Variants in ERVK3-1 observed in about 807,000 individuals in gnomAD.
ERVK3-1 encodes endogenous retrovirus group K3 member 1, also known as HERV-K(HML6-1).
chr19:58,309,728 G>C (rs926015835), intron 2 of ERVK3-1: 6 of 152,184 alleles, frequency 3.9e-5, no homozygotes, highest in Non-Finnish European at 8.8e-5. Flanking sequence ...GTAATAGAAT[G>C]GCTTTTTTTA....
downstream of ERVK3-1, among the ~76,000 whole-genome samples, chr19:58,316,803 C>A (rs2051595137): frequency 6.6e-6 from 1 of 152,170 alleles, no homozygotes; most frequent in Non-Finnish European, 1.5e-5. Flanking sequence ...AAATCCAAAA[C>A]TTTGTTAAAT....
At chr19:58,315,989 GT>G (rs2051590216), downstream of ERVK3-1, among the ~76,000 whole-genome samples, 1 of 152,154 alleles carries the variant, frequency 6.6e-6, no homozygotes, top group African/African-American at 2.4e-5. Flanking sequence ...GAGACCTCGG[GT>G]GCCCCCTACC....
In ERVK3-1 at chr19:58,310,202, A is replaced by C. The variant is rs926580465; in HGVS notation, c.-3-1964A>C. 1 of 152,244 alleles carries C rather than the reference A, an allele frequency of 6.6e-6. No homozygotes were observed. Among genetic ancestry groups the C allele is most frequent in the African/African-American group, 2.4e-5 (1 of 41,444 alleles). 9.4% of individuals were successfully genotyped at this position (152,244 alleles called of 1,614,324 possible). On this transcript the variant is annotated intron_variant, in intron 2 of 3. Transcript: ENST00000413518. This position sits in a 1 kb window ranked among gnomAD's most constrained non-coding sequence, Gnocchi z 4.7. Reference sequence around the variant, plus strand: ...TTATTTCCTATTAATATTGTCTGTAATTCAGCCTATGTCGTAAATGTAGCT... The same window carrying C: ...TTATTTCCTATTAATATTGTCTGTACTTCAGCCTATGTCGTAAATGTAGCT...
rs1487152931 is a variant in ERVK3-1, at chr19:58,313,282, TTTG to T, written c.294+832_294+834del. On this transcript the variant is annotated intron_variant, in intron 3 of 3. Coordinates refer to ENST00000413518, the Ensembl canonical transcript of ERVK3-1. The surrounding 1 kb of genome is among the most constrained non-coding windows in gnomAD (Gnocchi z 4.5). ...CACTCAATTTACGGTTTGTGGGTTTTTTGTTGTTGTTGTTAACTGTTTGAGATG... is the reference window on the plus strand; with the variant it reads ...CACTCAATTTACGGTTTGTGGGTTTTTTGTTGTTGTTAACTGTTTGAGATG... Among the ~76,000 whole-genome samples, 3 of 152,166 alleles carry T rather than the reference TTTG, an allele frequency of 2.0e-5. No individual in the cohort carries two copies. The highest frequency in any genetic ancestry group is 4.8e-5 in the African/African-American group (2 of 41,430).
At chr19:58,305,874 A>T (rs1344173535) in intron 1 of ERVK3-1, among the ~76,000 whole-genome samples, 3 of 152,170 alleles carry the variant, frequency 2.0e-5, no homozygotes, top group Non-Finnish European at 2.9e-5. Context: ...GAACCTGCTG[A>T]ACAAAGAAAG....
chr19:58,313,144 A>G lies in ERVK3-1; in HGVS notation c.294+682A>G, dbSNP rs1412213480. On this transcript the variant is annotated intron_variant, in intron 3 of 3. Coordinates refer to ENST00000413518, the Ensembl canonical transcript of ERVK3-1. This position sits in a 1 kb window ranked among gnomAD's most constrained non-coding sequence, Gnocchi z 4.5. Reference sequence around the variant, plus strand: ...AAACAGAGGCCCAATTCAGGAATCGATATGGAAGGCAACACTCCCATTTAT... The same window carrying G: ...AAACAGAGGCCCAATTCAGGAATCGGTATGGAAGGCAACACTCCCATTTAT... 1 of 152,296 alleles carries G rather than the reference A, an allele frequency of 6.6e-6. No homozygotes were observed. Among genetic ancestry groups the G allele is most frequent in the Non-Finnish European group, 1.5e-5 (1 of 68,068 alleles). The allele number at this position is 152,296 out of a possible 1,614,324, so 9.4% of individuals were successfully genotyped here. A position where few individuals can be genotyped will look rare whatever the true frequency, so the allele number is the denominator to read the frequency against.
At chr19:58,311,352 A>C (rs2051555589) in intron 2 of ERVK3-1, 1 of 152,168 alleles carries the variant, frequency 6.6e-6, no homozygotes. Flanking sequence ...CCGATCTCAC[A>C]CACAACTTCC....
intron 2 of ERVK3-1, chr19:58,309,430 A>G (rs910625550): frequency 6.6e-6 from 1 of 152,242 alleles, no homozygotes; most frequent in African/African-American, 2.4e-5. Flanking sequence ...GTAAGAACAA[A>G]TTACAAACTC....
rs1462869216 is a variant in ERVK3-1 at position 58,310,189 on chromosome 19, A to C, written c.-3-1977A>C. On this transcript the variant is annotated intron_variant, in intron 2 of 3. Transcript: ENST00000413518. The surrounding 1 kb of genome is among the most constrained non-coding windows in gnomAD (Gnocchi z 4.7). Reference sequence around the variant, plus strand: ...AAAGCTCACAGCTTTATTTCCTATTAATATTGTCTGTAATTCAGCCTATGT... The same window carrying C: ...AAAGCTCACAGCTTTATTTCCTATTCATATTGTCTGTAATTCAGCCTATGT... 1.3e-5 allele frequency: 2 copies of C among 152,226 alleles called. No homozygotes were observed. The highest frequency in any genetic ancestry group is 2.9e-5 in the Non-Finnish European group (2 of 68,066). The allele number at this position is 152,226 out of a possible 1,614,324, so 9.4% of individuals were successfully genotyped here.
At chr19:58,315,032 A>G (rs1005842801) in exon 4 of ERVK3-1, 27 of 365,970 alleles carry the variant, frequency 7.4e-5, no homozygotes, top group African/African-American at 2.3e-4. Flanking sequence ...AGGAACATCC[A>G]GAACCTGTTG....
At chr19:58,309,488 GCTT>G (rs2051543504) in intron 2 of ERVK3-1, 2 of 152,180 alleles carry the variant, frequency 1.3e-5, no homozygotes, top group Non-Finnish European at 2.9e-5. Context: ...GCTAGGTATT[GCTT>G]CTTATCAACT....
chr19:58,310,829 C>T lies in ERVK3-1; in HGVS notation c.-3-1337C>T, dbSNP rs1281892157. The T allele has an allele frequency of 8.0e-6, 3 of 373,538 alleles. No homozygotes were observed. Among genetic ancestry groups the T allele is most frequent in the Admixed American group, 2.7e-5 (1 of 37,432 alleles). The allele number at this position is 373,538 out of a possible 1,614,324, so 23.1% of individuals were successfully genotyped here. ...TAACCTCCCCCAGGGAAAGGGAGAC[C>T]GCCCCCCACCCTTTCCCGGTCTGCT... On this transcript the variant is annotated intron_variant, in intron 2 of 3. Transcript: ENST00000413518. The surrounding 1 kb of genome is among the most constrained non-coding windows in gnomAD (Gnocchi z 4.7).
chr19:58,309,656 T>C (rs2051544487), intron 2 of ERVK3-1: 1 of 152,262 alleles, frequency 6.6e-6, no homozygotes, highest in Non-Finnish European at 1.5e-5. Context: ...GTTTTGTTTA[T>C]TCTTCCTACC....
rs111678222 is a variant in ERVK3-1 at position 58,310,692 on chromosome 19, C to T, written c.-3-1474C>T. ...ATGGAACATGAAGGCGGACTAGGAG[C>T]GTGACCACTGAAGCACAGAATCACA... On this transcript the variant is annotated intron_variant, in intron 2 of 3. Coordinates refer to ENST00000413518, the Ensembl canonical transcript of ERVK3-1. The surrounding 1 kb of genome is among the most constrained non-coding windows in gnomAD (Gnocchi z 4.7). 0.14 allele frequency: 25,123 copies of T among 184,348 alleles called. 2,722 individuals are homozygous for T. The highest frequency in any genetic ancestry group is 0.3 in the African/African-American group (12,692 of 42,282). The allele number at this position is 184,348 out of a possible 1,614,324, so 11.4% of individuals were successfully genotyped here. A position where few individuals can be genotyped will look rare whatever the true frequency, so the allele number is the denominator to read the frequency against.
chr19:58,308,588 A>C (rs1001382255), intron 2 of ERVK3-1, among the ~76,000 whole-genome samples: 1 of 152,224 alleles, frequency 6.6e-6, no homozygotes, highest in Non-Finnish European at 1.5e-5. Flanking sequence ...AGAGTGGGAA[A>C]GGCTTGGGAA....
rs754778012 is a variant in ERVK3-1 at position 58,312,770 on chromosome 19, G to T, written c.294+308G>T. ...TTTATTAGGCCTCAGCTTTATTAAT[G>T]TTACTGGCGTGTTCACCAATCACTC... On this transcript the variant is annotated intron_variant, in intron 3 of 3. Transcript: ENST00000413518. The surrounding 1 kb of genome is among the most constrained non-coding windows in gnomAD (Gnocchi z 4.7). Among the ~76,000 whole-genome samples the T allele has an allele frequency of 5.9e-5, 9 of 152,154 alleles. No homozygotes were observed. Among genetic ancestry groups the T allele is most frequent in the Non-Finnish European group, 1.0e-4 (7 of 68,030 alleles).
exon 1 of ERVK3-1, chr19:58,305,405 A>G (rs1057318393): frequency 6.6e-6 from 1 of 152,302 alleles, no homozygotes; most frequent in Non-Finnish European, 1.5e-5. Flanking sequence ...GGGCGCGCGG[A>G]CTATCGGGCG....
downstream of ERVK3-1, among the ~76,000 whole-genome samples, chr19:58,315,956 A>C (rs768442237): frequency 6.6e-6 from 1 of 152,148 alleles, no homozygotes; most frequent in Non-Finnish European, 1.5e-5. Context: ...GTCACTAGCA[A>C]CCTGGGACCT....
intron 2 of ERVK3-1, among the ~76,000 whole-genome samples, chr19:58,307,646 A>G (rs1382962777): frequency 1.6e-5 from 2 of 126,102 alleles, no homozygotes; most frequent in Non-Finnish European, 3.3e-5. Flanking sequence ...ACACACACAC[A>G]CAGAAAAAAA....
Sources: gnomAD v4.1 joint callset for allele counts (sites outside exome capture counted in the v4.1 genomes callset) on GRCh38, gnomAD v4.1.1 for gene constraint, Gnocchi (gnomAD v3.1) non-coding constraint, MANE v1.5 for transcripts, NCBI Gene and HGNC (gene_info 2026-07-23, HGNC 2026-07-21) for gene names.